The following PLEKHA5 variants were observed in gnomAD, a reference collection of about 807,000 sequenced individuals.
PLEKHA5 encodes pleckstrin homology domain containing A5, also known as pleckstrin homology domain-containing family A member 5.
PLEKHA5 carries 55 observed loss-of-function variants against 181.9 expected under a neutral mutation model. That is an observed-to-expected ratio of 0.30 (90% CI 0.24 to 0.38). The LOEUF (loss-of-function observed/expected upper bound fraction) is 0.38. Ranked by LOEUF, PLEKHA5 falls within the 10% of genes least tolerant of loss-of-function variation. PLEKHA5 has a pLI of 1.00. For synonymous variants in PLEKHA5, 535 were observed against 529.4 expected (o/e 1.01, Z -0.15); for missense variants, 1,432 against 1,549.5 (o/e 0.92, Z 1.27).
intron 25 of PLEKHA5, among the ~76,000 whole-genome samples, chr12:19,351,135 C>T (rs2094573829): frequency 1.3e-5 from 2 of 152,004 alleles, no homozygotes; most frequent in African/African-American, 4.8e-5. Flanking sequence ...AGGGTTTCAC[C>T]ATGTTGCCCA....
intron 3 of PLEKHA5, among the ~76,000 whole-genome samples, chr12:19,155,564 C>T (rs976706149): frequency 6.6e-6 from 1 of 152,114 alleles, no homozygotes; most frequent in Non-Finnish European, 1.5e-5. Context: ...TATTTTGAAT[C>T]AAATGGAATC....
In PLEKHA5 at chr12:19,129,848, A is replaced by T. The variant is rs2032807594; in HGVS notation, c.49A>T (p.Thr17Ser). ...GTGGATCTCCCTGCCCCGGTCCTGGACTTACGGGATCACCAGGGGCGGCCG... is the reference window on the plus strand; with the variant it reads ...GTGGATCTCCCTGCCCCGGTCCTGGTCTTACGGGATCACCAGGGGCGGCCG... ...LEWISLPRSWTYGITRGGRVF... is the reference protein window; with the variant it reads ...LEWISLPRSWSYGITRGGRVF... The change falls in exon 1 of 32, where the codon ACT becomes TCT. Residue 17 changes from threonine (T) to serine (S), a missense_variant. This residue lies in a region of PLEKHA5 where 289 missense variants were observed against 381.1 expected (regional missense o/e 0.76). Coordinates refer to ENST00000429027, the MANE Select transcript of PLEKHA5 (RefSeq NM_001256470.2). 1 of 1,607,298 alleles carries T rather than the reference A, an allele frequency of 6.2e-7. No individual in the cohort carries two copies. The highest frequency in any genetic ancestry group is 8.5e-7 in the Non-Finnish European group (1 of 1,177,416).
rs1429970644 is a variant in PLEKHA5 at position 19,260,954 on chromosome 12, T to C, written c.543T>C (p.Ser181=). Reference sequence around the variant, plus strand: ...AATATGCTGATTTAATCCAGGACAGTACTGGCATGAAATTGTGGAAGAAAC... The same window carrying C: ...AATATGCTGATTTAATCCAGGACAGCACTGGCATGAAATTGTGGAAGAAAC... ...VRRGWLYKQD[S]TGMKLWKKRW... The change falls in exon 7 of 32, where the codon AGT becomes AGC. Residue 181 remains serine (S), a synonymous_variant. Coordinates refer to ENST00000429027, the MANE Select transcript of PLEKHA5 (RefSeq NM_001256470.2). The C allele has an allele frequency of 1.3e-6, 2 of 1,592,188 alleles. No homozygotes were observed. The highest frequency in any genetic ancestry group is 1.7e-6 in the Non-Finnish European group (2 of 1,163,642).
chr12:19,328,926 A>G (rs937524861), intron 20 of PLEKHA5, among the ~76,000 whole-genome samples: 1 of 152,096 alleles, frequency 6.6e-6, no homozygotes, highest in Non-Finnish European at 1.5e-5. Flanking sequence ...CTCAAGGGAA[A>G]TGCTGCCAGT....
intron 20 of PLEKHA5, among the ~76,000 whole-genome samples, chr12:19,334,845 T>A (rs866876799): frequency 0.016 from 656 of 40,882 alleles, 49 homozygotes; most frequent in Middle Eastern, 0.065. Context: ...TATATATATA[T>A]ATATATATAT....
intron 3 of PLEKHA5, among the ~76,000 whole-genome samples, chr12:19,237,920 A>T (rs543941947): frequency 6.6e-6 from 1 of 151,898 alleles, no homozygotes; most frequent in South Asian, 2.1e-4. Context: ...CTTTTTCCCT[A>T]TTTCATAGGG....
chr12:19,134,563 C>CT (rs532138084), intron 3 of PLEKHA5, among the ~76,000 whole-genome samples: 74 of 152,196 alleles, frequency 4.9e-4, no homozygotes, highest in African/African-American at 1.7e-3. Context: ...TGTCAGAAGA[C>CT]TAATTTCTTT....
intron 3 of PLEKHA5, among the ~76,000 whole-genome samples, chr12:19,251,894 G>T (rs2065429557): frequency 6.6e-6 from 1 of 152,070 alleles, no homozygotes; most frequent in South Asian, 2.1e-4. Context: ...CCTTCCTGTG[G>T]TCCTGAGCAG....
chr12:19,239,395 A>G (rs1173356963), intron 3 of PLEKHA5, among the ~76,000 whole-genome samples: 3 of 152,056 alleles, frequency 2.0e-5, no homozygotes, highest in Non-Finnish European at 4.4e-5. Flanking sequence ...TGTCACTGCT[A>G]TTGGAAACTG....
intron 3 of PLEKHA5, 147 bp downstream of exon 3, chr12:19,132,597 A>G: frequency 7.4e-6 from 4 of 543,870 alleles, no homozygotes; most frequent in Non-Finnish European, 9.7e-6. Flanking sequence ...GTATAGTGTC[A>G]GAATTTTGAG....
At chr12:19,134,118 A>G (rs1381697586) in intron 3 of PLEKHA5, among the ~76,000 whole-genome samples, 2 of 151,990 alleles carry the variant, frequency 1.3e-5, no homozygotes, top group African/African-American at 4.8e-5. Context: ...ACAAAATCTT[A>G]TTCTGTGTGG....
chr12:19,261,340 T>A, intron 7 of PLEKHA5, among the ~76,000 whole-genome samples: 1 of 152,172 alleles, frequency 6.6e-6, no homozygotes, highest in African/African-American at 2.4e-5. Flanking sequence ...GTCAGTTTTG[T>A]CAGATCTAGC....
At chr12:19,265,347 A>G (rs1478108556) in intron 7 of PLEKHA5, among the ~76,000 whole-genome samples, 1 of 152,234 alleles carries the variant, frequency 6.6e-6, no homozygotes, top group Non-Finnish European at 1.5e-5. Flanking sequence ...ACGTTAAATA[A>G]ATAACATTTT....
At chr12:19,175,341 T>G (rs2046931373) in intron 3 of PLEKHA5, among the ~76,000 whole-genome samples, 1 of 152,232 alleles carries the variant, frequency 6.6e-6, no homozygotes, top group African/African-American at 2.4e-5. Flanking sequence ...AAATGTTGTT[T>G]ATACACCCAA....
intron 3 of PLEKHA5, among the ~76,000 whole-genome samples, chr12:19,247,017 C>T (rs951994977): frequency 1.3e-5 from 2 of 151,946 alleles, no homozygotes; most frequent in Non-Finnish European, 2.9e-5. Flanking sequence ...GCACTTTATG[C>T]GTTTATTTTC....
chr12:19,246,960 G>GT (rs965795401), intron 3 of PLEKHA5, among the ~76,000 whole-genome samples: 3 of 151,042 alleles, frequency 2.0e-5, no homozygotes, highest in Non-Finnish European at 3.0e-5. Context: ...TAACAAACAA[G>GT]TTTTTTTTCT....
At chr12:19,190,174 T>TA (rs997619140) in intron 3 of PLEKHA5, among the ~76,000 whole-genome samples, 14 of 152,216 alleles carry the variant, frequency 9.2e-5, no homozygotes, top group Non-Finnish European at 1.3e-4. Flanking sequence ...TTTATCTTGT[T>TA]AAAAAGTTTT....
intron 3 of PLEKHA5, among the ~76,000 whole-genome samples, chr12:19,253,158 T>C (rs1406101071): frequency 2.3e-5 from 3 of 131,638 alleles, no homozygotes; most frequent in Non-Finnish European, 4.7e-5. Flanking sequence ...CACTGCAACC[T>C]CCATCACCCA....
chr12:19,314,476 T>A (rs765689325), intron 15 of PLEKHA5, among the ~76,000 whole-genome samples: 6 of 152,166 alleles, frequency 3.9e-5, no homozygotes, highest in Non-Finnish European at 8.8e-5. Context: ...ATTGTGTAGG[T>A]TCTCACCCTT....
Sources: allele counts gnomAD v4.1 joint callset (sites outside exome capture counted in the v4.1 genomes callset), GRCh38; gene constraint gnomAD v4.1.1; regional missense constraint gnomAD v4.1.1; transcripts MANE v1.5; gene names NCBI Gene and HGNC (gene_info 2026-07-23, HGNC 2026-07-21).